The following CLSTN2 variants were observed in gnomAD, a reference collection of about 807,000 sequenced individuals.
The protein encoded by CLSTN2 is calsyntenin 2, also known as calsyntenin-2.
CLSTN2 carries 48 observed loss-of-function variants against 101.2 expected under a neutral mutation model. That is an observed-to-expected ratio of 0.47 (90% CI 0.38 to 0.60). The LOEUF (loss-of-function observed/expected upper bound fraction) is 0.60. Among genes scored for constraint, CLSTN2 ranks in the 20% least tolerant of loss-of-function variants. The pLI, the probability that CLSTN2 is intolerant of heterozygous loss-of-function variation, is 0.00. For missense variants in CLSTN2, 1,160 were observed against 1,238.2 expected (o/e 0.94, Z 0.95); for synonymous variants, 481 against 463.6 (o/e 1.04, Z -0.48).
intron 1 of CLSTN2, among the ~76,000 whole-genome samples, chr3:140,042,697 C>T (rs372716848): frequency 2.4e-4 from 37 of 152,130 alleles, no homozygotes; most frequent in Non-Finnish European, 3.7e-4. Flanking sequence ...TGACAGGCCC[C>T]GGTGTGTGAT....
At chr3:140,347,394 C>T (rs951194617) in intron 2 of CLSTN2, among the ~76,000 whole-genome samples, 4 of 152,218 alleles carry the variant, frequency 2.6e-5, no homozygotes, top group Non-Finnish European at 4.4e-5. Context: ...CAAGGAGGTG[C>T]TCCAGAGCCC....
Position 139,974,852 on chromosome 3 carries a change from C to T in CLSTN2, c.109+39369C>T, listed in dbSNP as rs532513556. 3.3e-5 allele frequency among the ~76,000 whole-genome samples: 5 copies of T among 152,268 alleles called. No homozygotes were observed. The South Asian group carries it at 1.0e-3, about 32-fold the overall frequency. On this transcript the variant is annotated intron_variant, in intron 1 of 16. Transcript: ENST00000458420. ...CTGAGGGTTGTTGGCAGACTGGCAG[C>T]CCCCTGGCCCTGTACAGAGGTCTAG...
At chr3:140,410,755 TAATG>T (rs2088355184) in intron 4 of CLSTN2, among the ~76,000 whole-genome samples, 2 of 152,220 alleles carry the variant, frequency 1.3e-5, no homozygotes, top group African/African-American at 4.8e-5. Flanking sequence ...AATGACTTGT[TAATG>T]TATGTACAAT....
At chr3:140,185,773 C>A (rs1388502678) in intron 2 of CLSTN2, among the ~76,000 whole-genome samples, 2 of 152,270 alleles carry the variant, frequency 1.3e-5, no homozygotes, top group East Asian at 3.9e-4. Context: ...TAGGAGTACC[C>A]TGTCAGCAGA....
chr3:140,369,645 A>G lies in CLSTN2; in HGVS notation c.233-33984A>G, dbSNP rs143814789. Among the ~76,000 whole-genome samples, 1,296 of 152,280 alleles carry G rather than the reference A, an allele frequency of 8.5e-3. 12 individuals are homozygous for G. The highest frequency in any genetic ancestry group is 0.012 in the Non-Finnish European group (813 of 68,024). On this transcript the variant is annotated intron_variant, in intron 2 of 16. Coordinates refer to ENST00000458420, the MANE Select transcript of CLSTN2 (RefSeq NM_022131.3). ...GCTTGGCCGCATGAGTTGGAGCTAAATATTAGCCGAGCCACTTTGGACCAA... is the reference window on the plus strand; with the variant it reads ...GCTTGGCCGCATGAGTTGGAGCTAAGTATTAGCCGAGCCACTTTGGACCAA...
intron 2 of CLSTN2, among the ~76,000 whole-genome samples, chr3:140,193,434 C>A (rs972777795): frequency 6.6e-6 from 1 of 151,604 alleles, no homozygotes; most frequent in Non-Finnish European, 1.5e-5. Context: ...GTTGAAAATT[C>A]TTTTCTTTCA....
At chr3:140,458,695 T>A (rs1933478286) in intron 6 of CLSTN2, among the ~76,000 whole-genome samples, 2 of 152,192 alleles carry the variant, frequency 1.3e-5, no homozygotes, top group Middle Eastern at 6.8e-3. Context: ...GCAGCAGAAA[T>A]AATAATAATG....
intron 1 of CLSTN2, among the ~76,000 whole-genome samples, chr3:140,096,618 G>T (rs2008873619): frequency 6.6e-6 from 1 of 152,150 alleles, no homozygotes; most frequent in Non-Finnish European, 1.5e-5. Context: ...CACATCAGCT[G>T]GGAACATTAG....
At chr3:139,969,062 T>G (rs1935650469) in intron 1 of CLSTN2, among the ~76,000 whole-genome samples, 2 of 152,140 alleles carry the variant, frequency 1.3e-5, no homozygotes, top group Non-Finnish European at 2.9e-5. Flanking sequence ...TGCTTTTTTA[T>G]TCCTCTGACT....
chr3:140,087,069 A>C (rs1299551631), intron 1 of CLSTN2, among the ~76,000 whole-genome samples: 1 of 152,180 alleles, frequency 6.6e-6, no homozygotes, highest in Non-Finnish European at 1.5e-5. Flanking sequence ...AGGTGGTTTG[A>C]AGACCTTTTG....
At chr3:140,189,021 C>T (rs1236045136) in intron 2 of CLSTN2, among the ~76,000 whole-genome samples, 3 of 152,182 alleles carry the variant, frequency 2.0e-5, no homozygotes, top group African/African-American at 7.2e-5. Context: ...TGGAATCATA[C>T]AGTAAGCAAC....
At chr3:139,981,215 T>TAGTGC (rs1327099025) in intron 1 of CLSTN2, among the ~76,000 whole-genome samples, 2 of 152,206 alleles carry the variant, frequency 1.3e-5, no homozygotes, top group Admixed American at 1.3e-4. Flanking sequence ...GCATGGGGAA[T>TAGTGC]AGTGCAGCCA....
intron 2 of CLSTN2, among the ~76,000 whole-genome samples, chr3:140,303,017 G>C (rs562175921): frequency 6.6e-6 from 1 of 152,328 alleles, no homozygotes; most frequent in South Asian, 2.1e-4. Flanking sequence ...GCAAGAGCAA[G>C]ATCAAGGTCC....
chr3:140,128,370 T>C (rs1005946238), intron 1 of CLSTN2, among the ~76,000 whole-genome samples: 2 of 152,246 alleles, frequency 1.3e-5, no homozygotes, highest in African/African-American at 4.8e-5. Flanking sequence ...ATATGGTTTC[T>C]GCTCTCAAAG....
chr3:140,440,409 T>C (rs1392023576), intron 5 of CLSTN2, among the ~76,000 whole-genome samples: 1 of 152,220 alleles, frequency 6.6e-6, no homozygotes, highest in East Asian at 1.9e-4. Context: ...AAGAGGGGAT[T>C]CCTTATGTTC....
intron 8 of CLSTN2, among the ~76,000 whole-genome samples, chr3:140,498,813 A>T (rs1173991272): frequency 1.3e-5 from 2 of 152,194 alleles, no homozygotes; most frequent in Non-Finnish European, 2.9e-5. Context: ...GGAATGTCTC[A>T]GGCCAAGTGT....
chr3:140,473,744 GTTTT>G lies in CLSTN2; in HGVS notation c.1344+7020_1344+7023del, dbSNP rs34435215. ...TAATAAATCTATGGGGGTTTTTTGT[GTTTT>G]TTTTTTGTTGTTGTTGTTTGTTTTT... On this transcript the variant is annotated intron_variant, in intron 8 of 16. Transcript: ENST00000458420. 2.7e-5 allele frequency among the ~76,000 whole-genome samples: 4 copies of G among 149,158 alleles called. No homozygotes were observed. In the East Asian group the frequency reaches 7.9e-4, roughly 30 times the overall value.
intron 8 of CLSTN2, among the ~76,000 whole-genome samples, chr3:140,480,760 G>A (rs576250236): frequency 1.2e-4 from 19 of 152,294 alleles, no homozygotes; most frequent in African/African-American, 4.6e-4. Context: ...AGAAGTGTCT[G>A]TTCATATCCT....
intron 1 of CLSTN2, among the ~76,000 whole-genome samples, chr3:140,092,824 C>T (rs980126993): frequency 2.6e-5 from 4 of 152,200 alleles, no homozygotes; most frequent in African/African-American, 9.6e-5. Context: ...CCACTCCTTC[C>T]CTCCATGGTG....
Sources: allele counts gnomAD v4.1 joint callset (sites outside exome capture counted in the v4.1 genomes callset), GRCh38; gene constraint gnomAD v4.1.1; transcripts MANE v1.5; gene names NCBI Gene and HGNC (gene_info 2026-07-23, HGNC 2026-07-21).